Variants in ZNF528 observed in about 807,000 individuals in gnomAD.
ZNF528 encodes the protein zinc finger protein 528.
In ZNF528, 9 loss-of-function variants were observed where a neutral mutation model predicts 13.3. The observed-to-expected ratio is 0.67, with a 90% CI of 0.41 to 1.18. ZNF528 has a LOEUF of 1.18. ZNF528 is among the 50% of genes most tolerant of loss of function. ZNF528 has a pLI of 0.01. For synonymous variants in ZNF528, 264 were observed against 254.3 expected, an observed-to-expected ratio of 1.04 and a Z score of -0.36; for missense variants, 858 against 745.4, an observed-to-expected ratio of 1.15 and a Z score of -1.76.
chr19:52,414,388 G>C (rs2058972174), intron 6 of ZNF528: 1 of 693,398 alleles, frequency 1.4e-6, no homozygotes, highest in Non-Finnish European at 2.6e-6. Context: ...TGGAAGAAGG[G>C]GTCAGGGGGC....
At position 52,416,823 on chromosome 19, in the gene ZNF528, CATATAA is replaced by C. The variant is rs2059011364; in HGVS notation, c.*87_*92del. On this transcript the variant is annotated 3_prime_UTR_variant, in exon 7 of 7. Transcript: ENST00000360465. ...CAGTGAGTCCATACTAAGTGGAAAT[CATATAA>C]ATGAAATGTATGTGACACAGGCTTT... is the stretch of plus-strand genomic sequence containing the variant. 3 of 1,363,874 alleles carry C rather than the reference CATATAA, an allele frequency of 2.2e-6. No homozygotes were observed. The East Asian group carries it at 7.3e-5, about 33-fold the overall frequency. The allele number at this position is 1,363,874 out of a possible 1,614,324, so 84.5% of individuals were successfully genotyped here. A position where few individuals can be genotyped will look rare whatever the true frequency, so the allele number is the denominator to read the frequency against.
rs142506057 is a variant in ZNF528, at chr19:52,416,012, A to G, written c.1160A>G (p.Asp387Gly). Reference sequence around the variant, plus strand: ...AAACCTTACAAATGTAAAGAATGTGACAAGGTCTTTGGGCGCAAGTGTTTC... The same window carrying G: ...AAACCTTACAAATGTAAAGAATGTGGCAAGGTCTTTGGGCGCAAGTGTTTC... ...GRKPYKCKEC[D>G]KVFGRKCFLT... Residue 387 changes from aspartate to glycine, a missense_variant, in exon 7 of 7, where the codon GAC (aspartate) becomes GGC (glycine). Asp to Gly is a moderately conservative substitution (Grantham distance 94). Transcript: ENST00000360465. The G allele has an allele frequency of 3.9e-5, 63 of 1,614,148 alleles. No homozygotes were observed. The African/African-American group carries it at 7.2e-4, about 18-fold the overall frequency.
At chr19:52,414,230 T>G (rs768456403) in intron 6 of ZNF528, 7 of 702,466 alleles carry the variant, frequency 1.0e-5, no homozygotes, top group South Asian at 8.9e-5. Flanking sequence ...GAACCTTCTT[T>G]GTTCACGTCC....
At chr19:52,399,555 G>A (rs563972670) in intron 2 of ZNF528, among the ~76,000 whole-genome samples, 21 of 152,274 alleles carry the variant, frequency 1.4e-4, no homozygotes, top group Admixed American at 3.3e-4. Context: ...GTTGCAGTGA[G>A]CCGAGATCGT....
intron 6 of ZNF528, chr19:52,412,024 C>T (rs2058936862): frequency 6.6e-6 from 1 of 152,224 alleles, no homozygotes; most frequent in African/African-American, 2.4e-5. Flanking sequence ...CCAGTCTTTA[C>T]TGGATATGAC....
Position 52,415,577 on chromosome 19 carries a change from A to G in ZNF528, c.725A>G (p.Lys242Arg). 2 of 1,614,166 alleles carry G rather than the reference A, an allele frequency of 1.2e-6. No individual in the cohort carries two copies. Among genetic ancestry groups the G allele is most frequent in the African/African-American group, 2.7e-5 (2 of 75,056 alleles). The part of the protein sequence containing the change: ...RRMHTGEKPY[K>R]CHECGKLFSS... ...ATGCATACTGGAGAGAAGCCTTACA[A>G]ATGTCATGAATGTGGCAAGCTCTTC... is the stretch of plus-strand genomic sequence containing the variant. The change falls in exon 7 of 7, where the codon AAA (lysine) becomes AGA (arginine). Residue 242 changes from lysine to arginine, a missense_variant. Physicochemically the swap from Lys to Arg is conservative, Grantham distance 26. Transcript: ENST00000360465.
In ZNF528 at chr19:52,410,498, A is replaced by T. The variant is rs575517219; in HGVS notation, c.271+3855A>T. ...CAGCAAACCTTCTGGCGGTAGGCGC[A>T]GTCATGAGTTTGCCCACATCCTGCA... is the stretch of plus-strand genomic sequence containing the variant. On this transcript the variant is annotated intron_variant, in intron 6 of 6. Transcript: ENST00000360465. Among the ~76,000 whole-genome samples the T allele has an allele frequency of 1.3e-3, 201 of 152,334 alleles. 1 individual carries two copies. Among genetic ancestry groups the T allele is most frequent in the African/African-American group, 4.7e-3 (196 of 41,578 alleles).
chr19:52,405,052 C>T (rs981807857), intron 4 of ZNF528, among the ~76,000 whole-genome samples: 1 of 151,562 alleles, frequency 6.6e-6, no homozygotes, highest in Non-Finnish European at 1.5e-5. Context: ...CCCGTCTCTA[C>T]TAAAAATACA....
At chr19:52,407,527 G>A (rs910057929) in intron 6 of ZNF528, among the ~76,000 whole-genome samples, 15 of 151,990 alleles carry the variant, frequency 9.9e-5, no homozygotes, top group African/African-American at 3.6e-4. Context: ...TGTAATCCCA[G>A]CACTTTGTGG....
intron 4 of ZNF528, among the ~76,000 whole-genome samples, chr19:52,403,580 A>G (rs984878201): frequency 6.0e-5 from 9 of 148,928 alleles, no homozygotes; most frequent in African/African-American, 2.0e-4. Flanking sequence ...GAATCGCTTC[A>G]GCCTCAGAGG....
chr19:52,412,840 A>G (rs1426578317), intron 6 of ZNF528: 2 of 152,124 alleles, frequency 1.3e-5, no homozygotes, highest in African/African-American at 2.4e-5. Flanking sequence ...CTCCTTTTAG[A>G]TTTGTCAACT....
intron 6 of ZNF528, chr19:52,413,382 A>G (rs2058956489): frequency 6.6e-6 from 1 of 152,234 alleles, no homozygotes; most frequent in African/African-American, 2.4e-5. Context: ...GTTTTACATC[A>G]AAGAGTAGAA....
intron 4 of ZNF528, among the ~76,000 whole-genome samples, chr19:52,404,301 C>T (rs966701506): frequency 3.9e-5 from 6 of 152,122 alleles, no homozygotes; most frequent in Admixed American, 6.5e-5. Context: ...GATCTTGGCT[C>T]GCTGCAACCT....
At chr19:52,402,348 T>G (rs1363064184) in intron 4 of ZNF528, 2 of 462,680 alleles carry the variant, frequency 4.3e-6, no homozygotes, top group South Asian at 3.4e-5. Context: ...GGATGCACTG[T>G]CAGTGTTCTG....
At chr19:52,404,829 C>T (rs1599820188) in intron 4 of ZNF528, among the ~76,000 whole-genome samples, 1 of 151,262 alleles carries the variant, frequency 6.6e-6, no homozygotes, top group Non-Finnish European at 1.5e-5. Flanking sequence ...GAACTCCTTA[C>T]CTCAGGTGAT....
chr19:52,401,559 C>A, intron 2 of ZNF528, 126 bp from the exon 3 acceptor site: 1 of 773,372 alleles, frequency 1.3e-6, no homozygotes, highest in Non-Finnish European at 1.8e-6. Context: ...ACTGCAACTA[C>A]ACAGCCCCCT....
At position 52,415,330 on chromosome 19, in the gene ZNF528, TTAAA is replaced by T. The variant is rs750876390; in HGVS notation, c.485_488del (p.Lys162IlefsTer43). On this transcript the variant is annotated frameshift_variant, in exon 7 of 7. Transcript: ENST00000360465. LOFTEE classifies it low-confidence loss of function (END_TRUNC). Reference sequence around the variant, plus strand: ...TTCTTCCAGTGTCAAATCCCACCTTTTAAATAAATATAGAAATAATTTTGATCAT... The same window carrying T: ...TTCTTCCAGTGTCAAATCCCACCTTTTAAATATAGAAATAATTTTGATCAT... 1.2e-6 allele frequency: 2 copies of T among 1,611,970 alleles called. No homozygotes were observed. Among genetic ancestry groups the T allele is most frequent in the Non-Finnish European group, 1.7e-6 (2 of 1,179,448 alleles).
intron 5 of ZNF528, 40 bp downstream of exon 5, chr19:52,406,073 G>A (rs531677584): frequency 6.3e-7 from 1 of 1,585,460 alleles, no homozygotes. Flanking sequence ...ATCTGCCCTG[G>A]TGGATCTCTG....
At position 52,406,012 on chromosome 19, in the gene ZNF528, T is replaced by C. The variant is rs761042020; in HGVS notation, c.121T>C (p.Tyr41His). 14 of 1,610,840 alleles carry C rather than the reference T, an allele frequency of 8.7e-6. No homozygotes were observed. The highest frequency in any genetic ancestry group is 1.0e-5 in the Non-Finnish European group (12 of 1,177,782). The change falls in exon 5 of 7, where the codon TAT becomes CAT. Residue 41 changes from tyrosine to histidine, a missense_variant. Physicochemically the swap from Tyr to His is moderately conservative, Grantham distance 83. Transcript: ENST00000360465. ...ATACAGGGACGTGATGTTGGAGAAT[T>C]ATAGGAACCTGGTCTCCCTGGGTGA... Reference protein sequence around the residue: ...TLYRDVMLENYRNLVSLGICL... With the variant: ...TLYRDVMLENHRNLVSLGICL...
Sources: gnomAD v4.1 joint callset for allele counts (sites outside exome capture counted in the v4.1 genomes callset) on GRCh38, gnomAD v4.1.1 for gene constraint, MANE v1.5 for transcripts, NCBI Gene and HGNC (gene_info 2026-07-23, HGNC 2026-07-21) for gene names.